The following ARL1 variants were observed in gnomAD, a reference collection of about 807,000 sequenced individuals.
ARL1 encodes ARF like GTPase 1.
A neutral mutation model predicts 30.1 loss-of-function variants in ARL1; 17 were observed. The ratio of observed to expected loss-of-function variants is 0.56; its 90% CI spans 0.39 to 0.85. The LOEUF is 0.85. Among genes scored for constraint, ARL1 ranks in the 40% least tolerant of loss-of-function variants. The pLI is 0.00. For synonymous variants in ARL1, 58 were observed against 71.7 expected, an observed-to-expected ratio of 0.81 and a Z score of 0.97; for missense variants, 102 against 212.6, an observed-to-expected ratio of 0.48 and a Z score of 3.24.
In ARL1 at chr12:101,396,333, A is replaced by G. The variant is rs551626425; in HGVS notation, c.515+66T>C. ...ATCCTCAACACGGGAGAAAAATTAC[A>G]CGTGGACGTGCATAGCTGCAAGCAC... On this transcript the variant is annotated intron_variant, in intron 5 of 5. Coordinates refer to ENST00000261636, the MANE Select transcript of ARL1 (RefSeq NM_001177.6). 6 of 1,589,838 alleles carry G rather than the reference A, an allele frequency of 3.8e-6. No homozygotes were observed. The East Asian group carries it at 1.1e-4, about 30-fold the overall frequency.
chr12:101,404,092 C>A (rs1828268678), intron 2 of ARL1, among the ~76,000 whole-genome samples: 1 of 152,014 alleles, frequency 6.6e-6, no homozygotes, highest in South Asian at 2.1e-4. Context: ...TAAAAAATAA[C>A]AATACTATGA....
At chr12:101,395,778 T>C in intron 5 of ARL1, 108 bp from the exon 6 acceptor site, 1 of 747,236 alleles carries the variant, frequency 1.3e-6, no homozygotes. Context: ...CTTAAAATGA[T>C]GACAGCTAAC....
In ARL1 at chr12:101,404,765, A is replaced by C. The variant is rs1273385127; in HGVS notation, c.142+1079T>G. Among the ~76,000 whole-genome samples the C allele has an allele frequency of 2.0e-5, 3 of 152,236 alleles. No homozygotes were observed. The East Asian group carries it at 5.8e-4, about 29-fold the overall frequency. On this transcript the variant is annotated intron_variant, in intron 2 of 5. Transcript: ENST00000261636. ...GGCAACAAATGAAAAAAGTATAAAT[A>C]ACAACAGTATTCTCATATAGTCAGT...
chr12:101,396,161 G>A (rs2121103894), intron 5 of ARL1: 1 of 612,092 alleles, frequency 1.6e-6, no homozygotes, highest in East Asian at 2.7e-5. Flanking sequence ...GTGAGGCAGG[G>A]AAAAGGCTAA....
rs2121133652 is a variant in ARL1 at position 101,407,758 on chromosome 12, C to A, written c.-113G>T. The A allele has an allele frequency of 2.0e-6, 3 of 1,502,634 alleles. No individual in the cohort carries two copies. The highest frequency in any genetic ancestry group is 2.7e-5 in the African/African-American group (2 of 72,926). 93.1% of individuals were successfully genotyped at this position (1,502,634 alleles called of 1,614,324 possible). Reference sequence around the variant, plus strand: ...CAGCCAGCAACTTCCACGTCGGACTCCAGGCGGGGGCGGGAGCGAGGGTCA... The same window carrying A: ...CAGCCAGCAACTTCCACGTCGGACTACAGGCGGGGGCGGGAGCGAGGGTCA... On this transcript the variant is annotated 5_prime_UTR_variant, in exon 1 of 6. Coordinates refer to ENST00000261636, the MANE Select transcript of ARL1 (RefSeq NM_001177.6).
chr12:101,405,708 G>A, intron 2 of ARL1, 136 bp downstream of exon 2: 1 of 922,876 alleles, frequency 1.1e-6, no homozygotes, highest in African/African-American at 1.7e-5. Flanking sequence ...TTGAGGCCAA[G>A]AGTCTAAGAC....
chr12:101,404,225 G>C (rs961425477), intron 2 of ARL1, among the ~76,000 whole-genome samples: 3 of 152,030 alleles, frequency 2.0e-5, no homozygotes, highest in East Asian at 1.9e-4. Context: ...CAAGAGAATG[G>C]TGTAGACTGG....
intron 3 of ARL1, 52 bp from the exon 4 acceptor site, chr12:101,401,225 A>T: frequency 7.7e-7 from 1 of 1,296,558 alleles, no homozygotes; most frequent in Non-Finnish European, 1.1e-6. Context: ...TAAGGAAGAA[A>T]CTGACATATC....
rs535505073 is a variant in ARL1 at position 101,394,897 on chromosome 12, C to T, written c.*743G>A. The T allele has an allele frequency of 7.2e-5, 11 of 152,222 alleles. No individual in the cohort carries two copies. In the South Asian group the frequency reaches 2.3e-3, roughly 32 times the overall value. 9.4% of individuals were successfully genotyped at this position (152,222 alleles called of 1,614,324 possible). A position where few individuals can be genotyped will look rare whatever the true frequency, so the allele number is the denominator to read the frequency against. On this transcript the variant is annotated 3_prime_UTR_variant, in exon 6 of 6. Transcript: ENST00000261636. ...GTTTTACTTTGAGCCCTATTCCTACCTTACAAGCTAGCAGGTGACCTTGGG... is the reference window on the plus strand; with the variant it reads ...GTTTTACTTTGAGCCCTATTCCTACTTTACAAGCTAGCAGGTGACCTTGGG...
At chr12:101,395,813 TC>T in intron 5 of ARL1, 143 bp from the exon 6 acceptor site, 1 of 593,840 alleles carries the variant, frequency 1.7e-6, no homozygotes, top group South Asian at 2.3e-5. Flanking sequence ...GCACTAGATA[TC>T]CATAAGGTTC....
At position 101,398,224 on chromosome 12, in the gene ARL1, C is replaced by T. The variant is rs550731174; in HGVS notation, c.337-1647G>A. On this transcript the variant is annotated intron_variant, in intron 4 of 5. Coordinates refer to ENST00000261636, the MANE Select transcript of ARL1 (RefSeq NM_001177.6). ...CAGCCTGACCAACATGGTGAAACCC[C>T]GTCTCTACTAAAATTACAAAAATTA... 2.9e-3 allele frequency among the ~76,000 whole-genome samples: 447 copies of T among 151,598 alleles called. 1 individual carries two copies. Among genetic ancestry groups the T allele is most frequent in the African/African-American group, 0.01 (415 of 41,358 alleles).
At chr12:101,396,246 G>A (rs11110777) in intron 5 of ARL1, 153 bp downstream of exon 5, 138,881 of 913,570 alleles carry the variant, frequency 0.15, 11,954 homozygotes, top group Middle Eastern at 0.19. Flanking sequence ...TGCACCTGAA[G>A]ACCAGTGAGA....
chr12:101,399,980 T>C (rs1352213156), intron 4 of ARL1, among the ~76,000 whole-genome samples: 4 of 152,166 alleles, frequency 2.6e-5, no homozygotes, highest in Non-Finnish European at 5.9e-5. Context: ...CAGGCTGTAG[T>C]GCAGGGGCAC....
intron 3 of ARL1, 142 bp from the exon 4 acceptor site, chr12:101,401,315 C>T: frequency 1.7e-6 from 1 of 572,354 alleles, no homozygotes; most frequent in Non-Finnish European, 3.1e-6. Context: ...GTACCATATC[C>T]CTCAGATGTG....
chr12:101,403,251 C>A (rs1435994369), intron 2 of ARL1: 2 of 452,498 alleles, frequency 4.4e-6, no homozygotes, highest in Non-Finnish European at 8.7e-6. Context: ...TAAAAGCCAG[C>A]AGTTCTGCAA....
chr12:101,403,955 G>A (rs903123370), intron 2 of ARL1, among the ~76,000 whole-genome samples: 4 of 152,078 alleles, frequency 2.6e-5, no homozygotes, highest in Non-Finnish European at 5.9e-5. Context: ...GTGAGACTCT[G>A]TCTCAAAAAA....
intron 1 of ARL1, among the ~76,000 whole-genome samples, chr12:101,406,361 G>A (rs993814869): frequency 6.6e-6 from 1 of 152,040 alleles, no homozygotes; most frequent in Non-Finnish European, 1.5e-5. Context: ...TGTAATCCTC[G>A]CACAGGAAAA....
intron 4 of ARL1, among the ~76,000 whole-genome samples, chr12:101,398,320 T>G (rs1164798685): frequency 4.0e-5 from 6 of 150,376 alleles, no homozygotes; most frequent in African/African-American, 1.5e-4. Flanking sequence ...TGCTTGAACC[T>G]GGCAGGTGGA....
rs776729459 is a variant in ARL1 at position 101,401,083 on chromosome 12, T to G, written c.315A>C (p.Ser105=). 3 of 1,613,710 alleles carry G rather than the reference T, an allele frequency of 1.9e-6. No homozygotes were observed. The highest frequency in any genetic ancestry group is 2.5e-6 in the Non-Finnish European group (3 of 1,179,616). Reference sequence around the variant, plus strand: ...TTACCTCCAACATGGCAACTAACTCTGATTTGGAAATGCCAATTCGGTCTC... The same window carrying G: ...TTACCTCCAACATGGCAACTAACTCGGATTTGGAAATGCCAATTCGGTCTC... ...CDRDRIGISK[S]ELVAMLEEEE... is the part of the protein sequence containing the mutation. The change falls in exon 4 of 6, where the codon TCA becomes TCC. Residue 105 remains serine, a synonymous_variant. Transcript: ENST00000261636.
Sources: allele counts gnomAD v4.1 joint callset (sites outside exome capture counted in the v4.1 genomes callset), GRCh38; gene constraint gnomAD v4.1.1; transcripts MANE v1.5; gene names NCBI Gene and HGNC (gene_info 2026-07-23, HGNC 2026-07-21).